PPP1R14B: variants seen among roughly 807,000 people sequenced by gnomAD.
PPP1R14B encodes the protein protein phosphatase 1 regulatory inhibitor subunit 14B.
A neutral mutation model predicts 14.7 loss-of-function variants in PPP1R14B; 4 were observed. The ratio of observed to expected loss-of-function variants is 0.27; its 90% CI spans 0.13 to 0.62. The LOEUF (loss-of-function observed/expected upper bound fraction) is 0.62. Among genes scored for constraint, PPP1R14B ranks in the 20% least tolerant of loss-of-function variants. The probability of loss-of-function intolerance (pLI) is 0.85; values close to 1 mark genes in which losing one functional copy is unlikely to be tolerated. For synonymous variants in PPP1R14B, 76 were observed against 87.3 expected (o/e 0.87, Z 0.72); for missense variants, 138 against 201.5 (o/e 0.68, Z 1.91).
intron 3 of PPP1R14B, 27 bp downstream of exon 3, chr11:64,244,903 C>T (rs997912141): frequency 6.2e-7 from 1 of 1,611,646 alleles, no homozygotes; most frequent in Non-Finnish European, 8.5e-7. Context: ...CCTGCCACCC[C>T]CGCCAGCCCC....
At chr11:64,244,988 T>C in intron 2 of PPP1R14B, 26 bp from the exon 3 acceptor site, 1 of 1,602,880 alleles carries the variant, frequency 6.2e-7, no homozygotes, top group Non-Finnish European at 8.5e-7. Context: ...GGAGGAAGGA[T>C]AAGTGAGTCC....
Position 64,244,966 on chromosome 11 carries a change from G to C in PPP1R14B, c.343-4C>G. ...TGTAACAGTCAACCAGCAGCTCCTA[G>C]CAGAGGATGGGGGAGGAAGGATAAG... On this transcript the variant is annotated splice_region_variant and splice_polypyrimidine_tract_variant and intron_variant, in intron 2 of 3. Transcript: ENST00000309318. 2 of 1,610,960 alleles carry C rather than the reference G, an allele frequency of 1.2e-6. No homozygotes were observed. The highest frequency in any genetic ancestry group is 8.5e-7 in the Non-Finnish European group (1 of 1,177,896).
At chr11:64,245,160 C>T (rs377615624) in intron 2 of PPP1R14B, 44 bp downstream of exon 2, 102 of 1,593,548 alleles carry the variant, frequency 6.4e-5, no homozygotes, top group African/African-American at 5.4e-4. Context: ...CTCACTTTCC[C>T]GGGGCAGTGC....
In PPP1R14B at chr11:64,246,519, C is replaced by A; in HGVS notation, c.155G>T (p.Arg52Leu). Residue 52 changes from arginine to leucine, a missense_variant, in exon 1 of 4, where the codon CGC becomes CTC. Physicochemically the swap from Arg to Leu is moderately radical, Grantham distance 102. This residue lies in a region of PPP1R14B where 84 missense variants were observed against 137.5 expected (regional missense o/e 0.61). Coordinates refer to ENST00000309318, the MANE Select transcript of PPP1R14B (RefSeq NM_138689.3). ...ATACTTGACGGTGACCTTCCCTTGG[C>A]GCCTCACTGGGCCCTCATCGTCCGC... is the stretch of plus-strand genomic sequence containing the variant. ...GGADDEGPVR[R>L]QGKVTVKYDR... 1 of 1,609,938 alleles carries A rather than the reference C, an allele frequency of 6.2e-7. No individual in the cohort carries two copies. The highest frequency in any genetic ancestry group is 8.5e-7 in the Non-Finnish European group (1 of 1,179,262).
intron 2 of PPP1R14B, 47 bp downstream of exon 2, chr11:64,245,157 T>C (rs1295918327): frequency 1.3e-6 from 2 of 1,592,408 alleles, no homozygotes. Context: ...AGCCTCACTT[T>C]CCCGGGGCAG....
intron 3 of PPP1R14B, 24 bp downstream of exon 3, chr11:64,244,906 C>T (rs775360528): frequency 6.2e-7 from 1 of 1,611,808 alleles, no homozygotes; most frequent in Non-Finnish European, 8.5e-7. Flanking sequence ...GCCACCCCCG[C>T]CAGCCCCCCA....
At chr11:64,245,379 C>A in intron 1 of PPP1R14B, 92 bp from the exon 2 acceptor site, 2 of 1,036,528 alleles carry the variant, frequency 1.9e-6, no homozygotes, top group East Asian at 2.5e-5. Context: ...CTGCCTACCT[C>A]GGAGGAACCC....
intron 3 of PPP1R14B, 32 bp downstream of exon 3, chr11:64,244,898 C>T (rs1333853211): frequency 3.1e-6 from 5 of 1,611,318 alleles, no homozygotes; most frequent in Non-Finnish European, 8.5e-7. Context: ...CTCACCCTGC[C>T]ACCCCCGCCA....
chr11:64,244,746 G>A lies in PPP1R14B; in HGVS notation c.*8C>T, dbSNP rs772061131. ...GTGGGAGCCACCGTTCTCCTGGGTC[G>A]GGGACCGTCACTTCTTCTGGGGTGT... On this transcript the variant is annotated 3_prime_UTR_variant, in exon 4 of 4. Coordinates refer to ENST00000309318, the MANE Select transcript of PPP1R14B (RefSeq NM_138689.3). 5.4e-5 allele frequency: 87 copies of A among 1,612,390 alleles called. No individual in the cohort carries two copies. Among genetic ancestry groups the A allele is most frequent in the East Asian group, 4.5e-5 (2 of 44,890 alleles).
rs1164202538 is a variant in PPP1R14B at position 64,245,035 on chromosome 11, TC to T, written c.343-74del. Reference sequence around the variant, plus strand: ...GGCCTGGAGCTCGCCTATACCCACTTCCAAGAGACTGGGGCCACCCTGAGGC... The same window carrying T: ...GGCCTGGAGCTCGCCTATACCCACTTCAAGAGACTGGGGCCACCCTGAGGC... On this transcript the variant is annotated intron_variant, in intron 2 of 3. Transcript: ENST00000309318. The T allele has an allele frequency of 6.7e-6, 10 of 1,501,656 alleles. No individual in the cohort carries two copies. In the East Asian group the frequency reaches 2.1e-4, roughly 31 times the overall value. The allele number at this position is 1,501,656 out of a possible 1,614,324, so 93.0% of individuals were successfully genotyped here. A position where few individuals can be genotyped will look rare whatever the true frequency, so the allele number is the denominator to read the frequency against.
In PPP1R14B at chr11:64,246,649, C is replaced by G. The variant is rs2030892064; in HGVS notation, c.25G>C (p.Gly9Arg). 1 of 1,240,090 alleles carries G rather than the reference C, an allele frequency of 8.1e-7. No homozygotes were observed. Among genetic ancestry groups the G allele is most frequent in the African/African-American group, 1.6e-5 (1 of 63,406 alleles). The allele number at this position is 1,240,090 out of a possible 1,614,324, so 76.8% of individuals were successfully genotyped here. The change falls in exon 1 of 4, where the codon GGC (glycine) becomes CGC (arginine). Residue 9 changes from glycine to arginine, a missense_variant. Coordinates refer to ENST00000309318, the MANE Select transcript of PPP1R14B (RefSeq NM_138689.3). The stretch of plus-strand genomic sequence containing the variant: ...GGGGCCGGGGCCGCCAACGCCGCGC[C>G]CCCCGCGGTGCCGCTGTCCGCCATG... Reference protein sequence around the residue: MADSGTAGGAALAAPAPGP... With the variant: MADSGTAGRAALAAPAPGP...
At chr11:64,245,030 C>T (rs2030817963) in intron 2 of PPP1R14B, 68 bp from the exon 3 acceptor site, 4 of 1,517,358 alleles carry the variant, frequency 2.6e-6, no homozygotes. Context: ...TCGCCTATAC[C>T]CACTTCCAAG....
intron 1 of PPP1R14B, 22 bp downstream of exon 1, chr11:64,246,394 T>G (rs2030878940): frequency 6.3e-7 from 1 of 1,596,290 alleles, no homozygotes. Flanking sequence ...TTTTGGGGTG[T>G]CGGCGCGGGG....
intron 1 of PPP1R14B, chr11:64,246,110 C>T (rs750419013): frequency 1.9e-5 from 7 of 363,438 alleles, no homozygotes; most frequent in Non-Finnish European, 3.5e-5. Flanking sequence ...CTGCCGCTGC[C>T]AGCCCAGGAT....
chr11:64,245,517 G>T, intron 1 of PPP1R14B: 1 of 513,942 alleles, frequency 1.9e-6, no homozygotes, highest in Non-Finnish European at 3.4e-6. Flanking sequence ...GGGCACGGGG[G>T]GTGACAGACA....
chr11:64,246,526 C>G lies in PPP1R14B; in HGVS notation c.148G>C (p.Val50Leu). The change falls in exon 1 of 4, where the codon GTG (valine) becomes CTG (leucine). Residue 50 changes from valine (V) to leucine (L), a missense_variant. Val to Leu is a conservative substitution (Grantham distance 32, BLOSUM62 1). This residue lies in a region of PPP1R14B where 84 missense variants were observed against 137.5 expected (regional missense o/e 0.61). Transcript: ENST00000309318. ...GPGGADDEGP[V>L]RRQGKVTVKY... is the part of the protein sequence containing the mutation. ...ACGGTGACCTTCCCTTGGCGCCTCA[C>G]TGGGCCCTCATCGTCCGCCCCGCCC... The G allele has an allele frequency of 6.2e-7, 1 of 1,609,866 alleles. No individual in the cohort carries two copies. The highest frequency in any genetic ancestry group is 8.5e-7 in the Non-Finnish European group (1 of 1,179,228).
At chr11:64,245,764 T>G (rs924536744) in intron 1 of PPP1R14B, 17 of 160,684 alleles carry the variant, frequency 1.1e-4, no homozygotes, top group Non-Finnish European at 2.0e-4. Flanking sequence ...GAGCCCATGC[T>G]TTGGTGAGGG....
Position 64,246,307 on chromosome 11 carries a change from G to A in PPP1R14B, c.258+109C>T, listed in dbSNP as rs1029765029. On this transcript the variant is annotated intron_variant, in intron 1 of 3. Transcript: ENST00000309318. ...AGTGCAGAGGGGAGGGGAGCGCGCG[G>A]GGAAGCAAAGCGCCCTTTGACTCCA... 5 of 1,442,578 alleles carry A rather than the reference G, an allele frequency of 3.5e-6. No individual in the cohort carries two copies. In the African/African-American group the frequency reaches 7.1e-5, roughly 20 times the overall value. The allele number at this position is 1,442,578 out of a possible 1,614,324, so 89.4% of individuals were successfully genotyped here.
At chr11:64,246,354 G>A in intron 1 of PPP1R14B, 62 bp downstream of exon 1, 1 of 1,549,856 alleles carries the variant, frequency 6.5e-7, no homozygotes, top group East Asian at 2.4e-5. Context: ...GCTCACAGTG[G>A]AGCTGCCAGG....
Sources: allele counts gnomAD v4.1 joint callset, GRCh38; gene constraint gnomAD v4.1.1; regional missense constraint gnomAD v4.1.1; transcripts MANE v1.5; gene names NCBI Gene and HGNC (gene_info 2026-07-23, HGNC 2026-07-21).